Variants in TRAPPC8 observed in about 807,000 individuals in gnomAD.
The protein encoded by TRAPPC8 is general sporulation gene 1 homolog.
A neutral mutation model predicts 174.3 loss-of-function variants in TRAPPC8; 54 were observed. The observed-to-expected ratio is 0.31, with a 90% CI of 0.25 to 0.39. The LOEUF (loss-of-function observed/expected upper bound fraction) is 0.39. Ranked by LOEUF, TRAPPC8 falls within the 10% of genes least tolerant of loss-of-function variation. The pLI is 1.00. For synonymous variants in TRAPPC8, 630 were observed against 579.9 expected, an observed-to-expected ratio of 1.09 and a Z score of -1.24; for missense variants, 1,531 against 1,699.1, an observed-to-expected ratio of 0.90 and a Z score of 1.74.
At chr18:31,879,094 C>G (rs149025975) in intron 12 of TRAPPC8, among the ~76,000 whole-genome samples, 1 of 152,260 alleles carries the variant, frequency 6.6e-6, no homozygotes, top group Non-Finnish European at 1.5e-5. Context: ...CAAAGAAACT[C>G]TGGAATTAAA....
intron 27 of TRAPPC8, among the ~76,000 whole-genome samples, chr18:31,837,868 G>C (rs749047551): frequency 1.3e-5 from 2 of 149,260 alleles, no homozygotes; most frequent in Non-Finnish European, 3.0e-5. Flanking sequence ...AGTATTAAAT[G>C]AAAGAAGCTA....
intron 19 of TRAPPC8, among the ~76,000 whole-genome samples, chr18:31,863,611 T>C (rs1171444678): frequency 1.3e-5 from 2 of 152,202 alleles, no homozygotes; most frequent in African/African-American, 4.8e-5. Flanking sequence ...AAACTATATA[T>C]AAGTGCACAA....
intron 26 of TRAPPC8, 82 bp from the exon 27 acceptor site, chr18:31,839,539 A>C (rs1202820051): frequency 6.1e-6 from 8 of 1,312,594 alleles, no homozygotes; most frequent in Admixed American, 5.7e-5. Flanking sequence ...ATATATACAA[A>C]AGTTAAAATC....
At chr18:31,847,338 T>C (rs569873491) in intron 25 of TRAPPC8, among the ~76,000 whole-genome samples, 37 of 152,344 alleles carry the variant, frequency 2.4e-4, no homozygotes, top group African/African-American at 8.2e-4. Context: ...ACTTTATCTA[T>C]ATTATAATAC....
intron 22 of TRAPPC8, 43 bp from the exon 23 acceptor site, chr18:31,852,706 TCA>T: frequency 6.6e-7 from 1 of 1,521,182 alleles, no homozygotes; most frequent in Non-Finnish European, 9.1e-7. Context: ...TCTCAGTTCA[TCA>T]CATGATAAAA....
Position 31,846,908 on chromosome 18 carries a change from T to C in TRAPPC8, c.3736-91A>G, listed in dbSNP as rs545222730. On this transcript the variant is annotated intron_variant, in intron 25 of 28. Coordinates refer to ENST00000283351, the MANE Select transcript of TRAPPC8 (RefSeq NM_014939.5). Reference sequence around the variant, plus strand: ...TACTTGATAGAAAGTGGAAATAATATGGCCAATATCTATCAATTATTGACA... The same window carrying C: ...TACTTGATAGAAAGTGGAAATAATACGGCCAATATCTATCAATTATTGACA... 5.2e-5 allele frequency: 40 copies of C among 763,334 alleles called. No homozygotes were observed. The African/African-American group carries it at 5.9e-4, about 11-fold the overall frequency. 47.3% of individuals were successfully genotyped at this position (763,334 alleles called of 1,614,324 possible). A position where few individuals can be genotyped will look rare whatever the true frequency, so the allele number is the denominator to read the frequency against.
At chr18:31,924,293 A>AC (rs1310365203) in intron 2 of TRAPPC8, among the ~76,000 whole-genome samples, 2 of 150,684 alleles carry the variant, frequency 1.3e-5, no homozygotes, top group Non-Finnish European at 3.0e-5. Context: ...CTCAAAAAAA[A>AC]AAATACAAAA....
intron 26 of TRAPPC8, 40 bp from the exon 27 acceptor site, chr18:31,839,497 T>A (rs750817785): frequency 1.3e-6 from 2 of 1,507,170 alleles, no homozygotes; most frequent in African/African-American, 1.4e-5. Context: ...ATAAAAACAC[T>A]ACCTTGTTTA....
chr18:31,880,105 ATATATATATATATATATT>A (rs1458164972), intron 12 of TRAPPC8, among the ~76,000 whole-genome samples: 33 of 90,864 alleles, frequency 3.6e-4, no homozygotes, highest in African/African-American at 1.4e-3. Context: ...ATATATATAT[ATATATATATATATATATT>A]TTTTTTTTTT....
At chr18:31,917,514 T>G in intron 3 of TRAPPC8, 64 bp downstream of exon 3, 1 of 1,469,516 alleles carries the variant, frequency 6.8e-7, no homozygotes, top group Non-Finnish European at 9.3e-7. Flanking sequence ...CTTCATTAAC[T>G]ATTTCTGAGA....
chr18:31,894,142 G>A (rs1428786196), intron 11 of TRAPPC8, among the ~76,000 whole-genome samples: 1 of 152,188 alleles, frequency 6.6e-6, no homozygotes, highest in Non-Finnish European at 1.5e-5. Flanking sequence ...CTTGCATGTG[G>A]AGAATCAGTT....
intron 22 of TRAPPC8, among the ~76,000 whole-genome samples, chr18:31,853,033 C>T (rs2033795543): frequency 6.6e-6 from 1 of 152,184 alleles, no homozygotes; most frequent in Non-Finnish European, 1.5e-5. Context: ...ACCAACATTA[C>T]TATACGAACA....
rs781521971 is a variant in TRAPPC8, at chr18:31,909,733, T to C, written c.799A>G (p.Ile267Val). The change falls in exon 6 of 29, where the codon ATA becomes GTA. Residue 267 changes from isoleucine to valine, a missense_variant. Transcript: ENST00000283351. Reference sequence around the variant, plus strand: ...TTATCAGAATTCTTATTTGAAGTTATAGTACAAGGGCCATCTTCATATGAT... The same window carrying C: ...TTATCAGAATTCTTATTTGAAGTTACAGTACAAGGGCCATCTTCATATGAT... ...QESYEDGPCTITSNKNSDNNL... is the reference protein window; with the variant it reads ...QESYEDGPCTVTSNKNSDNNL... The C allele has an allele frequency of 1.1e-5, 18 of 1,600,812 alleles. No individual in the cohort carries two copies. Among genetic ancestry groups the C allele is most frequent in the Admixed American group, 3.5e-5 (2 of 56,898 alleles).
At chr18:31,920,694 C>T (rs1012947225) in intron 2 of TRAPPC8, among the ~76,000 whole-genome samples, 2 of 151,988 alleles carry the variant, frequency 1.3e-5, no homozygotes, top group Non-Finnish European at 2.9e-5. Context: ...AATCCCAACA[C>T]TTTGGGAGGC....
chr18:31,889,844 G>T (rs903885320), intron 12 of TRAPPC8, among the ~76,000 whole-genome samples: 1 of 152,170 alleles, frequency 6.6e-6, no homozygotes, highest in Non-Finnish European at 1.5e-5. Flanking sequence ...ACATGAAATT[G>T]AGAGTAATTT....
intron 2 of TRAPPC8, among the ~76,000 whole-genome samples, chr18:31,921,186 G>A (rs2037372032): frequency 6.6e-6 from 1 of 151,894 alleles, no homozygotes; most frequent in Admixed American, 6.6e-5. Context: ...AAAATATGAA[G>A]AGCCATACCT....
chr18:31,871,226 T>A, intron 14 of TRAPPC8, 106 bp from the exon 15 acceptor site: 1 of 543,152 alleles, frequency 1.8e-6, no homozygotes, highest in Non-Finnish European at 3.0e-6. Flanking sequence ...ATATATACAT[T>A]CACTCTTGCC....
Position 31,852,423 on chromosome 18 carries a change from C to T in TRAPPC8, c.3561+23G>A, listed in dbSNP as rs573730482. ...GCTATAACTATGACTTAACATCAAACACTACTATGCTTACTTGCATACCTG... is the reference window on the plus strand; with the variant it reads ...GCTATAACTATGACTTAACATCAAATACTACTATGCTTACTTGCATACCTG... On this transcript the variant is annotated intron_variant, in intron 24 of 28. Coordinates refer to ENST00000283351, the MANE Select transcript of TRAPPC8 (RefSeq NM_014939.5). The T allele has an allele frequency of 3.1e-6, 5 of 1,612,386 alleles. No individual in the cohort carries two copies. In the Admixed American group the frequency reaches 8.4e-5, roughly 27 times the overall value.
chr18:31,894,773 G>A (rs2036114641), intron 11 of TRAPPC8, among the ~76,000 whole-genome samples: 1 of 152,162 alleles, frequency 6.6e-6, no homozygotes, highest in Non-Finnish European at 1.5e-5. Flanking sequence ...GGTGCTATCA[G>A]CTGATAAATT....
Sources: gnomAD v4.1 joint callset for allele counts (sites outside exome capture counted in the v4.1 genomes callset) on GRCh38, gnomAD v4.1.1 for gene constraint, MANE v1.5 for transcripts, NCBI Gene and HGNC (gene_info 2026-07-23, HGNC 2026-07-21) for gene names.